ESRRG: variants seen among roughly 807,000 people sequenced by gnomAD.
The protein encoded by ESRRG is estrogen related receptor gamma.
Under a neutral mutation model 44.0 loss-of-function variants are expected in ESRRG, and 13 were observed. That is an observed-to-expected ratio of 0.30 (90% CI 0.19 to 0.47). ESRRG has a LOEUF of 0.47. ESRRG is among the 20% of genes least tolerant of loss of function. The pLI is 1.00. For synonymous variants in ESRRG, 215 were observed against 214.6 expected (o/e 1.00, Z -0.02); for missense variants, 395 against 580.6 (o/e 0.68, Z 3.29).
intron 2 of ESRRG, among the ~76,000 whole-genome samples, chr1:216,667,578 C>G (rs763406531): frequency 1.3e-5 from 2 of 148,956 alleles, no homozygotes; most frequent in Non-Finnish European, 1.5e-5. Flanking sequence ...CCCAGCTACT[C>G]AGGAGGCTGA....
At chr1:217,083,461 G>A (rs1327383038) in intron 1 of ESRRG, among the ~76,000 whole-genome samples, 1 of 152,152 alleles carries the variant, frequency 6.6e-6, no homozygotes, top group African/African-American at 2.4e-5. Flanking sequence ...ACTCAGAATC[G>A]CAGGGGTGAA....
At chr1:216,780,964 C>T (rs551904776) in intron 2 of ESRRG, among the ~76,000 whole-genome samples, 2 of 151,986 alleles carry the variant, frequency 1.3e-5, no homozygotes, top group Non-Finnish European at 2.9e-5. Context: ...TACCTTTCTA[C>T]TTTGGCGCTA....
At chr1:216,857,523 C>G (rs1476891402) in intron 2 of ESRRG, among the ~76,000 whole-genome samples, 1 of 151,994 alleles carries the variant, frequency 6.6e-6, no homozygotes, top group East Asian at 1.9e-4. Flanking sequence ...CAATATCACC[C>G]ACATACTATC....
At chr1:216,630,476 A>AC (rs1553438844) in intron 3 of ESRRG, among the ~76,000 whole-genome samples, 1 of 147,876 alleles carries the variant, frequency 6.8e-6, no homozygotes, top group Non-Finnish European at 1.5e-5. Flanking sequence ...ACACACACAC[A>AC]ATTAAATCTT....
chr1:217,118,141 C>G (rs1038624077), intron 1 of ESRRG, among the ~76,000 whole-genome samples: 10 of 152,190 alleles, frequency 6.6e-5, no homozygotes, highest in Non-Finnish European at 1.2e-4. Context: ...ACTACTCACC[C>G]CTTCATCCAT....
intron 1 of ESRRG, chr1:216,715,200 C>A: frequency 2.0e-6 from 2 of 985,286 alleles, no homozygotes; most frequent in Non-Finnish European, 2.4e-6. Flanking sequence ...GTTGCTTTTC[C>A]ATCTGTGACA....
chr1:216,619,270 A>G (rs1244769886), intron 3 of ESRRG, among the ~76,000 whole-genome samples: 5 of 152,256 alleles, frequency 3.3e-5, no homozygotes, highest in Non-Finnish European at 5.9e-5. Flanking sequence ...ATAATCAGAA[A>G]TTTATTTAAA....
At chr1:216,747,438 T>C (rs564372590) in intron 2 of ESRRG, among the ~76,000 whole-genome samples, 19 of 152,284 alleles carry the variant, frequency 1.2e-4, no homozygotes, top group African/African-American at 4.6e-4. Flanking sequence ...ACAGGTCCTT[T>C]ATAGCATCAC....
chr1:216,862,584 A>T (rs2096071594), intron 2 of ESRRG: 1 of 152,212 alleles, frequency 6.6e-6, no homozygotes, highest in Non-Finnish European at 1.5e-5. Flanking sequence ...TACTGATTCA[A>T]CAACATGGAT....
chr1:216,878,506 C>A (rs922928680), intron 2 of ESRRG, among the ~76,000 whole-genome samples: 3 of 152,286 alleles, frequency 2.0e-5, no homozygotes, highest in Non-Finnish European at 4.4e-5. Flanking sequence ...TATTCTCCTG[C>A]ATTTTCTTCT....
chr1:216,981,624 A>T (rs1389606085), intron 1 of ESRRG, among the ~76,000 whole-genome samples: 2 of 152,194 alleles, frequency 1.3e-5, no homozygotes, highest in Non-Finnish European at 2.9e-5. Context: ...AAATTAATTT[A>T]TTGGTTCAAA....
At chr1:216,836,365 A>T (rs1346444793) in intron 2 of ESRRG, among the ~76,000 whole-genome samples, 1 of 152,240 alleles carries the variant, frequency 6.6e-6, no homozygotes, top group Non-Finnish European at 1.5e-5. Flanking sequence ...AGGAAGAATA[A>T]GAGAAAACAA....
At chr1:217,018,811 G>T (rs554401068) in intron 1 of ESRRG, among the ~76,000 whole-genome samples, 7 of 152,104 alleles carry the variant, frequency 4.6e-5, no homozygotes, top group Admixed American at 3.3e-4. Context: ...CACTCATGCC[G>T]TCTTAAGCCA....
At chr1:216,807,202 A>G (rs916363859) in intron 2 of ESRRG, among the ~76,000 whole-genome samples, 4 of 152,116 alleles carry the variant, frequency 2.6e-5, no homozygotes, top group African/African-American at 9.7e-5. Context: ...GTCTAATACA[A>G]TTGTTCCACC....
chr1:216,572,565 A>AG (rs1259785737), intron 3 of ESRRG, among the ~76,000 whole-genome samples: 1 of 151,920 alleles, frequency 6.6e-6, no homozygotes, highest in Non-Finnish European at 1.5e-5. Context: ...TGTTTTTTCC[A>AG]GAAAAAAAAA....
chr1:217,009,864 T>C (rs1459939180), intron 1 of ESRRG, among the ~76,000 whole-genome samples: 1 of 151,742 alleles, frequency 6.6e-6, no homozygotes, highest in Non-Finnish European at 1.5e-5. Flanking sequence ...TGCCACCGTA[T>C]CTGGCTAATT....
chr1:216,861,022 G>C (rs192837304), intron 2 of ESRRG, among the ~76,000 whole-genome samples: 31 of 152,136 alleles, frequency 2.0e-4, no homozygotes, highest in Non-Finnish European at 2.4e-4. Flanking sequence ...AAGAGGTACA[G>C]TATCAGTTGA....
chr1:216,993,453 C>T (rs933035890), intron 1 of ESRRG, among the ~76,000 whole-genome samples: 4 of 152,012 alleles, frequency 2.6e-5, no homozygotes, highest in South Asian at 4.2e-4. Flanking sequence ...TATATGCAAC[C>T]CAAGAAGAAA....
intron 1 of ESRRG, among the ~76,000 whole-genome samples, chr1:217,022,660 C>T (rs374648761): frequency 2.6e-5 from 4 of 152,154 alleles, no homozygotes; most frequent in Non-Finnish European, 5.9e-5. Flanking sequence ...GCACCTCAAC[C>T]GGTATGTCTA....
Sources: allele counts gnomAD v4.1 joint callset (sites outside exome capture counted in the v4.1 genomes callset), GRCh38; gene constraint gnomAD v4.1.1; transcripts MANE v1.5; gene names NCBI Gene and HGNC (gene_info 2026-07-23, HGNC 2026-07-21).